The following ARID2 variants were observed in gnomAD, a reference collection of about 807,000 sequenced individuals.
The protein encoded by ARID2 is AT-rich interactive domain-containing protein 2.
In ARID2, 32 loss-of-function variants were observed where a neutral mutation model predicts 184.6. The observed-to-expected ratio is 0.17, with a 90% CI of 0.13 to 0.23. ARID2 has a LOEUF of 0.23. ARID2 is among the 10% of genes least tolerant of loss of function. The pLI, the probability that ARID2 is intolerant of heterozygous loss-of-function variation, is 1.00. For missense variants in ARID2, 1,696 were observed against 2,197.6 expected (o/e 0.77, Z 4.56); for synonymous variants, 836 against 772.6 (o/e 1.08, Z -1.36).
At chr12:45,772,021 A>ATGTTACTGAGAT (rs1179480887) in intron 3 of ARID2, among the ~76,000 whole-genome samples, 3 of 152,302 alleles carry the variant, frequency 2.0e-5, no homozygotes, top group Admixed American at 6.5e-5. Flanking sequence ...GCTATATAGG[A>ATGTTACTGAGAT]GTAACATCTT....
intron 3 of ARID2, among the ~76,000 whole-genome samples, chr12:45,771,231 G>T (rs555785485): frequency 1.3e-5 from 2 of 151,994 alleles, no homozygotes; most frequent in African/African-American, 4.8e-5. Context: ...GGTGGCTCAC[G>T]CCTGTGATCC....
chr12:45,767,371 T>C (rs1416936104), intron 3 of ARID2, among the ~76,000 whole-genome samples: 2 of 152,242 alleles, frequency 1.3e-5, no homozygotes, highest in Non-Finnish European at 2.9e-5. Flanking sequence ...ATTTTTAGTT[T>C]TTATAAAGTT....
intron 3 of ARID2, among the ~76,000 whole-genome samples, chr12:45,767,620 G>A (rs987563446): frequency 2.6e-5 from 4 of 152,170 alleles, no homozygotes; most frequent in African/African-American, 9.7e-5. Flanking sequence ...CTTGAGCCTA[G>A]GAGTTGGAGA....
intron 16 of ARID2, among the ~76,000 whole-genome samples, chr12:45,866,275 C>CT (rs1477708939): frequency 2.6e-5 from 4 of 151,950 alleles, no homozygotes; most frequent in African/African-American, 9.7e-5. Context: ...ACTGCTCGTC[C>CT]TTTTTTTGAC....
intron 20 of ARID2, chr12:45,904,339 T>G (rs538294897): frequency 1.4e-6 from 1 of 716,112 alleles, no homozygotes; most frequent in South Asian, 1.5e-5. Context: ...CTAAATTTTC[T>G]AGAAACATGA....
chr12:45,872,332 C>G (rs1414707916), intron 16 of ARID2, among the ~76,000 whole-genome samples: 5 of 152,130 alleles, frequency 3.3e-5, no homozygotes, highest in Non-Finnish European at 5.9e-5. Flanking sequence ...TCATTTTCCT[C>G]TAGTTCGAAA....
chr12:45,787,222 T>C (rs1449658137), intron 3 of ARID2, among the ~76,000 whole-genome samples: 3 of 151,192 alleles, frequency 2.0e-5, no homozygotes, highest in South Asian at 2.1e-4. Flanking sequence ...TCTTTTCTTT[T>C]TTTTTTTTTT....
intron 13 of ARID2, 89 bp from the exon 14 acceptor site, chr12:45,849,491 T>A (rs576099984): frequency 1.9e-6 from 2 of 1,049,118 alleles, no homozygotes; most frequent in South Asian, 1.8e-5. Flanking sequence ...TAAGCAACAG[T>A]AAACATACTG....
At chr12:45,887,401 AAG>A (rs1944211282) in intron 16 of ARID2, among the ~76,000 whole-genome samples, 1 of 152,346 alleles carries the variant, frequency 6.6e-6, no homozygotes, top group East Asian at 1.9e-4. Context: ...ATCAAAGAAA[AAG>A]TGTTGTTTCT....
chr12:45,802,268 G>C (rs1942519028), intron 3 of ARID2, among the ~76,000 whole-genome samples: 2 of 151,892 alleles, frequency 1.3e-5, no homozygotes, highest in African/African-American at 4.8e-5. Flanking sequence ...GTCTCACTAT[G>C]GTTGCCCAGG....
Position 45,852,674 on chromosome 12 carries a change from G to A in ARID2, c.4551G>A (p.Arg1517=), listed in dbSNP as rs1362202768. Residue 1517 remains arginine (R), a synonymous_variant, in exon 15 of 21, where the codon AGG becomes AGA. Coordinates refer to ENST00000334344, the MANE Select transcript of ARID2 (RefSeq NM_152641.4). ...CAGCAGAATGCAAAACTGTAAAGAG[G>A]CCAGCAGAGGATACTGATAGGGAAA... ...NGTAECKTVK[R]PAEDTDRETV... The A allele has an allele frequency of 6.2e-7, 1 of 1,614,152 alleles. No individual in the cohort carries two copies. The highest frequency in any genetic ancestry group is 8.5e-7 in the Non-Finnish European group (1 of 1,180,002).
At chr12:45,779,383 C>G (rs1942046405) in intron 3 of ARID2, among the ~76,000 whole-genome samples, 1 of 152,030 alleles carries the variant, frequency 6.6e-6, no homozygotes. Context: ...AAAATCTTTA[C>G]TATTTCATTT....
chr12:45,835,940 CAGT>C lies in ARID2; in HGVS notation c.706-645_706-643del, dbSNP rs766049093. On this transcript the variant is annotated intron_variant, in intron 6 of 20. Coordinates refer to ENST00000334344, the MANE Select transcript of ARID2 (RefSeq NM_152641.4). ...AAACAAAAAAGAAATGTCAAATTTC[CAGT>C]AGTGTTTAATGTACATAGAGATGTC... Among the ~76,000 whole-genome samples, 3 of 151,700 alleles carry C rather than the reference CAGT, an allele frequency of 2.0e-5. No individual in the cohort carries two copies. In the East Asian group the frequency reaches 5.8e-4, roughly 29 times the overall value.
At chr12:45,755,907 A>C (rs1380533044) in intron 3 of ARID2, 1 of 168,324 alleles carries the variant, frequency 5.9e-6, no homozygotes, top group East Asian at 1.9e-4. Context: ...TCTTTAGAAT[A>C]CTTTTTGTTT....
intron 20 of ARID2, among the ~76,000 whole-genome samples, chr12:45,902,390 T>A (rs562633713): frequency 2.0e-5 from 3 of 152,320 alleles, no homozygotes; most frequent in East Asian, 3.9e-4. Context: ...AATAAAAGAA[T>A]ACTTTTTAAC....
chr12:45,847,075 G>T (rs372489864), intron 12 of ARID2, 138 bp downstream of exon 12: 2 of 617,610 alleles, frequency 3.2e-6, no homozygotes, highest in South Asian at 2.9e-5. Flanking sequence ...TTTACACAAA[G>T]AAAGGACACT....
intron 11 of ARID2, chr12:45,839,728 TTAGAG>T: frequency 2.6e-6 from 1 of 391,718 alleles, no homozygotes. Flanking sequence ...TCGGCAGGAT[TTAGAG>T]TAATGTGATG....
chr12:45,904,804 C>A, intron 20 of ARID2, 130 bp from the exon 21 acceptor site: 1 of 770,760 alleles, frequency 1.3e-6, no homozygotes, highest in Non-Finnish European at 1.9e-6. Flanking sequence ...TCCTGCAATA[C>A]TATATTAACA....
chr12:45,846,934 A>G lies in ARID2; in HGVS notation c.1577A>G (p.Gln526Arg). ...VEIDSEKFAC[Q>R]WLNAHFEVNP... is the part of the protein sequence containing the mutation. ...ATAGATAGTGAGAAGTTTGCTTGTC[A>G]GTGGTAAGTGGTTTATTTCTATTAA... The change falls in exon 12 of 21, where the codon CAG becomes CGG. Residue 526 changes from glutamine to arginine, a missense_variant. Transcript: ENST00000334344. The G allele has an allele frequency of 6.2e-7, 1 of 1,612,708 alleles. No individual in the cohort carries two copies.
Sources: gnomAD v4.1 joint callset for allele counts (sites outside exome capture counted in the v4.1 genomes callset) on GRCh38, gnomAD v4.1.1 for gene constraint, MANE v1.5 for transcripts, NCBI Gene and HGNC (gene_info 2026-07-23, HGNC 2026-07-21) for gene names.